The following FBN2 variants were observed in gnomAD, a reference collection of about 807,000 sequenced individuals.
FBN2 encodes fibrillin-2.
In FBN2, 105 loss-of-function variants were observed where a neutral mutation model predicts 355.6. The ratio of observed to expected loss-of-function variants is 0.30; its 90% confidence interval spans 0.25 to 0.35. FBN2 has a LOEUF of 0.35. FBN2 is among the 10% of genes least tolerant of loss of function. The pLI, the probability that FBN2 is intolerant of heterozygous loss-of-function variation, is 1.00. For synonymous variants in FBN2, 1,350 were observed against 1,301.2 expected, an observed-to-expected ratio of 1.04 and a Z score of -0.81; for missense variants, 3,280 against 3,758.7, an observed-to-expected ratio of 0.87 and a Z score of 3.33.
chr5:128,456,057 G>C (rs977443874), intron 6 of FBN2, among the ~76,000 whole-genome samples: 1 of 144,258 alleles, frequency 6.9e-6, no homozygotes, highest in Non-Finnish European at 1.5e-5. Context: ...CTCTGGGCAC[G>C]GGGAAGGGCT....
At chr5:128,357,528 T>A (rs1751533854) in intron 19 of FBN2, 133 bp from the exon 20 acceptor site, 20 of 1,053,452 alleles carry the variant, frequency 1.9e-5, no homozygotes, top group Non-Finnish European at 2.9e-5. Flanking sequence ...CTATGAAGCA[T>A]AAAGTGAATG....
chr5:128,275,742 C>T (rs1233323373), intron 59 of FBN2, among the ~76,000 whole-genome samples: 1 of 152,068 alleles, frequency 6.6e-6, no homozygotes, highest in Non-Finnish European at 1.5e-5. Flanking sequence ...CAACAAATAT[C>T]TTATTTCAGT....
rs149005074 is a variant in FBN2 at position 128,467,701 on chromosome 5, T to C, written c.629-2780A>G. On this transcript the variant is annotated intron_variant, in intron 5 of 64. Coordinates refer to ENST00000262464, the MANE Select transcript of FBN2 (RefSeq NM_001999.4). ...GTTAACTAAGTGTAAAAGGGGAAAA[T>C]TGCTTATCACTTAGTATGTTGGAAC... Among the ~76,000 whole-genome samples the C allele has an allele frequency of 8.5e-5, 13 of 152,214 alleles. No homozygotes were observed. The East Asian group carries it at 1.7e-3, about 20-fold the overall frequency.
chr5:128,500,685 C>T (rs1418050827), intron 5 of FBN2, among the ~76,000 whole-genome samples: 2 of 151,866 alleles, frequency 1.3e-5, no homozygotes, highest in Non-Finnish European at 2.9e-5. Flanking sequence ...ACCTCGTGAT[C>T]CGCCTGCCTC....
intron 5 of FBN2, among the ~76,000 whole-genome samples, chr5:128,465,482 C>T (rs567937367): frequency 1.1e-4 from 17 of 152,144 alleles, no homozygotes; most frequent in Non-Finnish European, 1.9e-4. Context: ...AAAATTAAAA[C>T]AAATCAATAA....
chr5:128,371,511 CCTTCCT>C (rs1751942513), intron 15 of FBN2, among the ~76,000 whole-genome samples: 1 of 98,878 alleles, frequency 1.0e-5, no homozygotes, highest in Non-Finnish European at 2.0e-5. Flanking sequence ...CTCCCTCCAT[CCTTCCT>C]TCCTTCCTTC....
At chr5:128,395,065 T>A (rs1224565458) in intron 9 of FBN2, 57 bp downstream of exon 9, 11 of 1,596,788 alleles carry the variant, frequency 6.9e-6, no homozygotes, top group African/African-American at 1.3e-5. Context: ...AATACAGTAC[T>A]GCTACTAATT....
intron 15 of FBN2, among the ~76,000 whole-genome samples, chr5:128,370,121 C>T (rs1025583235): frequency 1.3e-5 from 2 of 152,084 alleles, no homozygotes; most frequent in African/African-American, 4.8e-5. Flanking sequence ...GTAAGTAATG[C>T]TATACCCCAA....
chr5:128,339,039 A>T lies in FBN2; in HGVS notation c.3366T>A (p.Ser1122=). The T allele has an allele frequency of 1.2e-6, 2 of 1,614,100 alleles. No individual in the cohort carries two copies. The highest frequency in any genetic ancestry group is 1.7e-6 in the Non-Finnish European group (2 of 1,179,924). ...AGATTCCACTGCCACAGAGGTCAGG[A>T]GAAATCCTGCACTCGTCGATGTCTA... ...NCTDIDECRI[S]PDLCGSGICV... Residue 1122 remains serine (S), a synonymous_variant, in exon 26 of 65, where the codon TCT becomes TCA. Coordinates refer to ENST00000262464, the MANE Select transcript of FBN2 (RefSeq NM_001999.4).
chr5:128,392,303 A>G, intron 10 of FBN2, 148 bp from the exon 11 acceptor site: 1 of 706,410 alleles, frequency 1.4e-6, no homozygotes, highest in Non-Finnish European at 2.3e-6. Context: ...TAATGTGGAG[A>G]ATCTAAAAAA....
chr5:128,457,691 T>A (rs1256353946), intron 6 of FBN2, among the ~76,000 whole-genome samples: 1 of 151,988 alleles, frequency 6.6e-6, no homozygotes, highest in African/African-American at 2.4e-5. Context: ...GAATTTCACA[T>A]CCAGCCAAGC....
Position 128,506,983 on chromosome 5 carries a change from T to G in FBN2, c.628+12290A>C, listed in dbSNP as rs528135546. On this transcript the variant is annotated intron_variant, in intron 5 of 64. Transcript: ENST00000262464. Reference sequence around the variant, plus strand: ...TTTACCATATTATTGATACATTTGCTAAAATTTTGTTGAGAAATTGTATAT... The same window carrying G: ...TTTACCATATTATTGATACATTTGCGAAAATTTTGTTGAGAAATTGTATAT... 5.9e-5 allele frequency among the ~76,000 whole-genome samples: 9 copies of G among 152,250 alleles called. No homozygotes were observed. In the East Asian group the frequency reaches 1.7e-3, roughly 29 times the overall value.
chr5:128,356,568 C>A (rs965195491), intron 20 of FBN2, among the ~76,000 whole-genome samples: 19 of 152,312 alleles, frequency 1.2e-4, no homozygotes, highest in Middle Eastern at 3.4e-3. Context: ...GTGAATGGAA[C>A]CACAGAGGCT....
chr5:128,333,681 C>T (rs201601446), intron 31 of FBN2, among the ~76,000 whole-genome samples: 6 of 148,964 alleles, frequency 4.0e-5, no homozygotes, highest in South Asian at 2.1e-4. Context: ...TGTGTGTGTG[C>T]GTGTGTGTGT....
Position 128,349,375 on chromosome 5 carries a change from C to T in FBN2, c.2961G>A (p.Thr987=), listed in dbSNP as rs760390469. 14 of 1,614,112 alleles carry T rather than the reference C, an allele frequency of 8.7e-6. No homozygotes were observed. Among genetic ancestry groups the T allele is most frequent in the South Asian group, 6.6e-5 (6 of 91,082 alleles). Reference sequence around the variant, plus strand: ...AACATACACGGCCAGTCCCATCCAACGTAAGGCCTTCAGGGCACTCGCAAT... The same window carrying T: ...AACATACACGGCCAGTCCCATCCAATGTAAGGCCTTCAGGGCACTCGCAAT... ...SFHCECPEGL[T]LDGTGRVCLD... Residue 987 remains threonine, a synonymous_variant, in exon 23 of 65, where the codon ACG becomes ACA. Coordinates refer to ENST00000262464, the MANE Select transcript of FBN2 (RefSeq NM_001999.4).
At chr5:128,528,969 G>A (rs1024728697) in intron 3 of FBN2, among the ~76,000 whole-genome samples, 4 of 152,200 alleles carry the variant, frequency 2.6e-5, no homozygotes, top group Non-Finnish European at 4.4e-5. Context: ...TTAAAGAGCC[G>A]ACATAGAGAA....
intron 8 of FBN2, among the ~76,000 whole-genome samples, chr5:128,401,970 G>T (rs1469752389): frequency 2.0e-5 from 3 of 152,010 alleles, no homozygotes; most frequent in Non-Finnish European, 1.5e-5. Flanking sequence ...TAACAAAAAG[G>T]AGGCAGGCAA....
chr5:128,411,441 A>G (rs975818824), intron 7 of FBN2, among the ~76,000 whole-genome samples: 2 of 152,164 alleles, frequency 1.3e-5, no homozygotes, highest in African/African-American at 2.4e-5. Context: ...GGAGGTGGAA[A>G]GCGGACGGAG....
At chr5:128,524,685 C>G (rs17615714) in intron 4 of FBN2, among the ~76,000 whole-genome samples, 2,062 of 152,240 alleles carry the variant, frequency 0.014, 19 homozygotes, top group Middle Eastern at 0.02. Context: ...CTATATAAGA[C>G]GACTTGGAAA....
Sources: gnomAD v4.1 joint callset for allele counts (sites outside exome capture counted in the v4.1 genomes callset) on GRCh38, gnomAD v4.1.1 for gene constraint, MANE v1.5 for transcripts, NCBI Gene and HGNC (gene_info 2026-07-23, HGNC 2026-07-21) for gene names.